Variants in SCAF8 observed in about 807,000 individuals in gnomAD.
SCAF8 encodes the protein SR-related and CTD-associated factor 8.
SCAF8 carries 23 observed loss-of-function variants against 140.5 expected under a neutral mutation model. That is an observed-to-expected ratio of 0.16 (90% CI 0.12 to 0.23). SCAF8 has a LOEUF of 0.23. SCAF8 is among the 10% of genes least tolerant of loss of function. SCAF8 has a pLI of 1.00. For missense variants in SCAF8, 1,397 were observed against 1,555.7 expected, an observed-to-expected ratio of 0.90 and a Z score of 1.72; for synonymous variants, 575 against 528.9, an observed-to-expected ratio of 1.09 and a Z score of -1.20.
In SCAF8 at chr6:154,832,641, T is replaced by A; in HGVS notation, c.3062T>A (p.Ile1021Lys). The change falls in exon 20 of 20, where the codon ATA (isoleucine) becomes AAA (lysine). Residue 1021 changes from isoleucine to lysine, a missense_variant. Coordinates refer to ENST00000367178, the MANE Select transcript of SCAF8 (RefSeq NM_014892.5). ...EGDRDYRFPP[I>K]ETRESISRPP... ...GATAGAGATTACCGGTTTCCTCCTA[T>A]AGAAACCAGGGAAAGCATTAGTAGA... is the stretch of plus-strand genomic sequence containing the variant. The A allele has an allele frequency of 6.2e-7, 1 of 1,613,940 alleles. No individual in the cohort carries two copies. The highest frequency in any genetic ancestry group is 8.5e-7 in the Non-Finnish European group (1 of 1,179,934).
intron 1 of SCAF8, among the ~76,000 whole-genome samples, chr6:154,760,107 G>A (rs977646761): frequency 6.6e-6 from 1 of 152,124 alleles, no homozygotes; most frequent in South Asian, 2.1e-4. Flanking sequence ...CCTGGCCAAC[G>A]TGGTGAAAAA....
At chr6:154,788,983 T>G (rs1030113446) in intron 4 of SCAF8, among the ~76,000 whole-genome samples, 11 of 152,270 alleles carry the variant, frequency 7.2e-5, no homozygotes, top group Non-Finnish European at 1.6e-4. Context: ...CCACAAAACT[T>G]GAAAGCTCAC....
chr6:154,762,491 C>T (rs117356110), intron 1 of SCAF8, among the ~76,000 whole-genome samples: 377 of 152,170 alleles, frequency 2.5e-3, no homozygotes, highest in Non-Finnish European at 4.1e-3. Flanking sequence ...TAGTTATCAT[C>T]GGAGTGACTG....
chr6:154,777,001 C>T (rs1031436177), intron 2 of SCAF8, among the ~76,000 whole-genome samples: 4 of 151,978 alleles, frequency 2.6e-5, no homozygotes, highest in African/African-American at 7.3e-5. Flanking sequence ...GCCAACATGG[C>T]GAAACCCCGT....
intron 1 of SCAF8, among the ~76,000 whole-genome samples, chr6:154,744,002 ATTAACCACT>A (rs1778634535): frequency 6.6e-6 from 1 of 152,214 alleles, no homozygotes; most frequent in South Asian, 2.1e-4. Context: ...TTTATTAGAA[ATTAACCACT>A]TTACTGGGCA....
rs1206196020 is a variant in SCAF8, at chr6:154,832,792, T to C, written c.3213T>C (p.Leu1071=). The part of the protein sequence containing the change: ...GRPPVDIREN[L]VRPGIDHLGR... ...CTCCTGTAGATATAAGAGAGAATCT[T>C]GTGAGGCCAGGTATAGATCATCTTG... is the stretch of plus-strand genomic sequence containing the variant. The change falls in exon 20 of 20, where the codon CTT becomes CTC. Residue 1071 remains leucine, a synonymous_variant. Transcript: ENST00000367178. The C allele has an allele frequency of 6.2e-7, 1 of 1,613,672 alleles. No homozygotes were observed. Among genetic ancestry groups the C allele is most frequent in the Non-Finnish European group, 8.5e-7 (1 of 1,179,976 alleles).
intron 1 of SCAF8, among the ~76,000 whole-genome samples, chr6:154,763,054 T>G (rs1234415262): frequency 1.3e-5 from 2 of 152,198 alleles, no homozygotes; most frequent in East Asian, 3.9e-4. Flanking sequence ...TATTTTCTTG[T>G]GTGTATTATA....
At chr6:154,771,937 C>T (rs558814863) in intron 1 of SCAF8, among the ~76,000 whole-genome samples, 70 of 152,186 alleles carry the variant, frequency 4.6e-4, no homozygotes, top group African/African-American at 1.6e-3. Flanking sequence ...GAACATACCG[C>T]ATGTATTTAG....
intron 4 of SCAF8, among the ~76,000 whole-genome samples, chr6:154,791,170 A>G (rs919172797): frequency 6.6e-6 from 1 of 152,160 alleles, no homozygotes; most frequent in Non-Finnish European, 1.5e-5. Flanking sequence ...ATTAAGTTTG[A>G]AGCTTTCAGG....
chr6:154,752,774 C>T (rs1019083391), intron 1 of SCAF8, among the ~76,000 whole-genome samples: 2 of 152,038 alleles, frequency 1.3e-5, no homozygotes, highest in Non-Finnish European at 2.9e-5. Flanking sequence ...CAGGCTAGCA[C>T]GCAGTGGTGC....
chr6:154,743,346 T>C (rs1326522690), intron 1 of SCAF8, among the ~76,000 whole-genome samples: 1 of 152,260 alleles, frequency 6.6e-6, no homozygotes, highest in Non-Finnish European at 1.5e-5. Context: ...GAATCTTAAC[T>C]ATTTCTTGTA....
At chr6:154,801,733 T>A (rs1055841009) in intron 6 of SCAF8, among the ~76,000 whole-genome samples, 10 of 151,504 alleles carry the variant, frequency 6.6e-5, no homozygotes, top group African/African-American at 2.4e-4. Flanking sequence ...TATCTGGTTG[T>A]CACAGATCAC....
chr6:154,815,640 C>A, intron 12 of SCAF8, 76 bp from the exon 13 acceptor site: 2 of 707,062 alleles, frequency 2.8e-6, no homozygotes, highest in Non-Finnish European at 4.9e-6. Context: ...TGTATTACTG[C>A]TTTTTCCTCA....
intron 15 of SCAF8, 78 bp from the exon 16 acceptor site, chr6:154,822,198 G>A: frequency 6.9e-7 from 1 of 1,444,338 alleles, no homozygotes; most frequent in South Asian, 1.4e-5. Flanking sequence ...GGATTTAGAT[G>A]TGAAATAAAT....
intron 1 of SCAF8, among the ~76,000 whole-genome samples, chr6:154,737,576 G>A (rs1220952063): frequency 6.6e-6 from 1 of 152,086 alleles, no homozygotes; most frequent in African/African-American, 2.4e-5. Flanking sequence ...TCCCAACATG[G>A]GTGAAGGGGG....
chr6:154,747,896 C>CTGTGTGTGTGTGTGTGTGTGTG (rs71021073), intron 1 of SCAF8, among the ~76,000 whole-genome samples: 1 of 144,642 alleles, frequency 6.9e-6, no homozygotes, highest in African/African-American at 2.5e-5. Flanking sequence ...CATTTCATTT[C>CTGTGTGTGTGTGTGTGTGTGTG]TGTGTGTGTG....
chr6:154,827,834 C>CGG (rs36065536), intron 18 of SCAF8, among the ~76,000 whole-genome samples: 841 of 81,206 alleles, frequency 0.01, 24 homozygotes, highest in East Asian at 0.042. Context: ...TGGGGCGGGG[C>CGG]GGGGGGGGGG....
chr6:154,832,065 T>G lies in SCAF8; in HGVS notation c.2486T>G (p.Val829Gly), dbSNP rs139223217. The G allele has an allele frequency of 4.8e-5, 78 of 1,613,958 alleles. No homozygotes were observed. The highest frequency in any genetic ancestry group is 6.4e-5 in the Non-Finnish European group (75 of 1,179,986). The change falls in exon 20 of 20, where the codon GTC becomes GGC. Residue 829 changes from valine (V) to glycine (G), a missense_variant. By Grantham distance (109) the Val-to-Gly change is moderately radical (BLOSUM62 -3). Transcript: ENST00000367178. ...TCAAGTAATTCTGAAATTCTTGGGG[T>G]CCGGCCATCTAATGTTTCCAGTAGT... is the stretch of plus-strand genomic sequence containing the variant. ...NVSSNSEILG[V>G]RPSNVSSSSG...
chr6:154,784,148 TATATATA>T (rs1297636671), intron 3 of SCAF8, among the ~76,000 whole-genome samples: 1,893 of 129,288 alleles, frequency 0.015, 74 homozygotes, highest in African/African-American at 0.043. Flanking sequence ...TATATATATA[TATATATA>T]TATTTATTTA....
Sources: allele counts gnomAD v4.1 joint callset (sites outside exome capture counted in the v4.1 genomes callset), GRCh38; gene constraint gnomAD v4.1.1; transcripts MANE v1.5; gene names NCBI Gene and HGNC (gene_info 2026-07-23, HGNC 2026-07-21).